PTPRT: variants seen among roughly 807,000 people sequenced by gnomAD.
PTPRT encodes protein tyrosine phosphatase receptor type T, also known as receptor-type tyrosine-protein phosphatase T.
PTPRT carries 56 observed loss-of-function variants against 176.8 expected under a neutral mutation model. That is an observed-to-expected ratio of 0.32 (90% CI 0.26 to 0.40). The LOEUF is 0.40. Ranked by LOEUF, PTPRT falls within the 10% of genes least tolerant of loss-of-function variation. PTPRT has a pLI of 1.00. For missense variants in PTPRT, 1,540 were observed against 1,908.2 expected (o/e 0.81, Z 3.60); for synonymous variants, 783 against 739.0 (o/e 1.06, Z -0.96).
chr20:42,702,840 C>T (rs1482218577), intron 6 of PTPRT, among the ~76,000 whole-genome samples: 1 of 152,214 alleles, frequency 6.6e-6, no homozygotes. Context: ...ACAGTTTATA[C>T]TTCCCTGAGC....
intron 1 of PTPRT, among the ~76,000 whole-genome samples, chr20:43,037,013 C>T (rs1219733546): frequency 6.6e-6 from 1 of 152,136 alleles, no homozygotes; most frequent in Non-Finnish European, 1.5e-5. Context: ...ATACATAAAT[C>T]TTTGGCAAGA....
At chr20:42,849,353 T>C (rs2078431432) in intron 2 of PTPRT, among the ~76,000 whole-genome samples, 2 of 152,248 alleles carry the variant, frequency 1.3e-5, no homozygotes, top group Admixed American at 6.5e-5. Flanking sequence ...AGTTCCATTG[T>C]TCTTTCACAG....
chr20:42,069,119 A>G (rs1337259090), downstream of PTPRT, among the ~76,000 whole-genome samples: 1 of 152,190 alleles, frequency 6.6e-6, no homozygotes, highest in Non-Finnish European at 1.5e-5. Flanking sequence ...ATATAATACT[A>G]AAGATTCTGA....
At chr20:42,276,522 TATATATATATATATATATATATATA>T (rs2057035638) in intron 13 of PTPRT, among the ~76,000 whole-genome samples, 1 of 36,482 alleles carries the variant, frequency 2.7e-5, no homozygotes, top group African/African-American at 9.2e-5. Flanking sequence ...TATATATATA[TATATATATATATATATATATATATA>T]TATATATATA....
chr20:42,041,421 A>G, the PTPRT span, among the ~76,000 whole-genome samples: 4 of 152,064 alleles, frequency 2.6e-5, no homozygotes, highest in African/African-American at 4.8e-5. Context: ...TTTAAGTTGC[A>G]ATTTTCTCCA....
At chr20:42,258,799 C>T (rs893141524) in intron 13 of PTPRT, among the ~76,000 whole-genome samples, 1 of 152,200 alleles carries the variant, frequency 6.6e-6, no homozygotes, top group African/African-American at 2.4e-5. Flanking sequence ...CACGATTTAA[C>T]TCAGAGTCAA....
At chr20:42,420,736 T>C (rs957288941) in intron 9 of PTPRT, among the ~76,000 whole-genome samples, 1 of 152,120 alleles carries the variant, frequency 6.6e-6, no homozygotes, top group Admixed American at 6.5e-5. Context: ...AATAAATTGT[T>C]AGTAGTTAAG....
At chr20:42,842,587 T>A (rs1442815050) in intron 2 of PTPRT, among the ~76,000 whole-genome samples, 1 of 151,524 alleles carries the variant, frequency 6.6e-6, no homozygotes. Flanking sequence ...GCCCAACAAA[T>A]TTTTGTATTT....
At chr20:43,103,800 T>A (rs981637301) in intron 1 of PTPRT, among the ~76,000 whole-genome samples, 10 of 147,074 alleles carry the variant, frequency 6.8e-5, no homozygotes, top group African/African-American at 2.3e-4. Context: ...CTTAGGGTAG[T>A]AATAATGAAA....
intron 1 of PTPRT, among the ~76,000 whole-genome samples, chr20:43,163,000 C>T (rs980853799): frequency 1.3e-5 from 2 of 152,154 alleles, no homozygotes; most frequent in Admixed American, 6.5e-5. Flanking sequence ...TTCAGGTATC[C>T]CTTGCTGGTG....
intron 7 of PTPRT, among the ~76,000 whole-genome samples, chr20:42,492,345 T>C (rs1340624817): frequency 1.3e-5 from 2 of 152,200 alleles, no homozygotes; most frequent in South Asian, 2.1e-4. Flanking sequence ...ATCCTCGCTA[T>C]AATCTGGTGC....
At chr20:42,979,861 C>T (rs1170174487) in intron 1 of PTPRT, among the ~76,000 whole-genome samples, 4 of 151,760 alleles carry the variant, frequency 2.6e-5, no homozygotes, top group Admixed American at 6.6e-5. Context: ...ATTCCCAGAA[C>T]GTCTATCCTG....
At chr20:42,506,198 C>T (rs1276510708) in intron 7 of PTPRT, among the ~76,000 whole-genome samples, 1 of 152,206 alleles carries the variant, frequency 6.6e-6, no homozygotes, top group East Asian at 1.9e-4. Context: ...TAATACATTA[C>T]TCTAGTAATG....
chr20:42,826,925 C>G (rs1569178402), intron 2 of PTPRT, among the ~76,000 whole-genome samples: 1 of 152,116 alleles, frequency 6.6e-6, no homozygotes, highest in Non-Finnish European at 1.5e-5. Flanking sequence ...TCAGACAACA[C>G]AGACTTTATC....
At chr20:42,733,770 G>A (rs923705403) in intron 6 of PTPRT, among the ~76,000 whole-genome samples, 2 of 152,206 alleles carry the variant, frequency 1.3e-5, no homozygotes, top group Non-Finnish European at 1.5e-5. Flanking sequence ...CACTTCACAG[G>A]AAGCAGCATT....
At chr20:42,128,732 C>T in intron 19 of PTPRT, 22 bp downstream of exon 19, 1 of 1,568,472 alleles carries the variant, frequency 6.4e-7, no homozygotes, top group South Asian at 1.2e-5. Context: ...GCCCCAGCCC[C>T]CAGCCCCATT....
At chr20:42,108,908 C>CGAA (rs1278468215) in intron 23 of PTPRT, among the ~76,000 whole-genome samples, 3 of 152,198 alleles carry the variant, frequency 2.0e-5, no homozygotes, top group African/African-American at 7.2e-5. Flanking sequence ...CATCATGCGC[C>CGAA]GAAGTCCTGA....
At chr20:42,846,459 A>G (rs2078374140) in intron 2 of PTPRT, among the ~76,000 whole-genome samples, 2 of 152,202 alleles carry the variant, frequency 1.3e-5, no homozygotes, top group Admixed American at 1.3e-4. Flanking sequence ...GATGTTCGCC[A>G]TGGCTGTGGT....
At chr20:42,466,359 A>C (rs2145906146) in intron 8 of PTPRT, among the ~76,000 whole-genome samples, 1 of 152,356 alleles carries the variant, frequency 6.6e-6, no homozygotes, top group East Asian at 1.9e-4. Context: ...CATAGGTGGA[A>C]GGCAAACCTT....
Sources: allele counts gnomAD v4.1 joint callset (sites outside exome capture counted in the v4.1 genomes callset), GRCh38; gene constraint gnomAD v4.1.1; transcripts MANE v1.5; gene names NCBI Gene and HGNC (gene_info 2026-07-23, HGNC 2026-07-21).